Variants in SLC15A5 observed in about 807,000 individuals in gnomAD.
SLC15A5 encodes Peptide/histidine transporter ENSP00000340402.
Under a neutral mutation model 56.1 loss-of-function variants are expected in SLC15A5, and 58 were observed. The observed-to-expected ratio is 1.03, with a 90% CI of 0.84 to 1.29. The LOEUF (loss-of-function observed/expected upper bound fraction) is 1.29, where lower values mean the gene tolerates loss of function less well. Ranked by LOEUF, SLC15A5 falls within the 50% of genes most tolerant of loss-of-function variation. SLC15A5 has a pLI of 0.00. For synonymous variants in SLC15A5, 264 were observed against 250.5 expected (o/e 1.05, Z -0.51); for missense variants, 681 against 672.1 (o/e 1.01, Z -0.15).
At chr12:16,265,788 T>C (rs1275813286) in intron 2 of SLC15A5, among the ~76,000 whole-genome samples, 1 of 152,214 alleles carries the variant, frequency 6.6e-6, no homozygotes, top group Non-Finnish European at 1.5e-5. Context: ...CAGCTTCTTC[T>C]CTGAACTTCT....
chr12:16,210,369 T>A (rs1195713268), intron 7 of SLC15A5, among the ~76,000 whole-genome samples: 1 of 152,052 alleles, frequency 6.6e-6, no homozygotes, highest in Non-Finnish European at 1.5e-5. Flanking sequence ...TCTCCCAATC[T>A]CCACCTGGAA....
chr12:16,248,016 A>C (rs1322626939), intron 3 of SLC15A5, among the ~76,000 whole-genome samples: 1 of 152,058 alleles, frequency 6.6e-6, no homozygotes, highest in African/African-American at 2.4e-5. Flanking sequence ...TTTTTGAACA[A>C]TCAGTAAAAT....
Position 16,257,764 on chromosome 12 carries a change from T to C in SLC15A5, c.691A>G (p.Met231Val). The stretch of plus-strand genomic sequence containing the variant: ...TGAAGAGTTATCACAGCCATAAGCA[T>C]AGACATAAAAGGAATAAGTAAAACA... ...ALVLLIPFMS[M>V]LMAVITLHMI... The change falls in exon 3 of 9, where the codon ATG becomes GTG. Residue 231 changes from methionine to valine, a missense_variant. By Grantham distance (21) the Met-to-Val change is conservative. Transcript: ENST00000344941. The C allele has an allele frequency of 6.5e-7, 1 of 1,531,248 alleles. No homozygotes were observed. The highest frequency in any genetic ancestry group is 8.7e-7 in the Non-Finnish European group (1 of 1,144,838). The allele number at this position is 1,531,248 out of a possible 1,614,324, so 94.9% of individuals were successfully genotyped here.
intron 6 of SLC15A5, 102 bp from the exon 7 acceptor site, chr12:16,217,126 G>T: frequency 7.9e-7 from 1 of 1,271,440 alleles, no homozygotes; most frequent in Non-Finnish European, 1.0e-6. Flanking sequence ...AAAATTTACT[G>T]ATACAATAAA....
intron 2 of SLC15A5, among the ~76,000 whole-genome samples, chr12:16,259,897 CG>C (rs148955043): frequency 2.1e-5 from 3 of 141,162 alleles, no homozygotes; most frequent in African/African-American, 7.8e-5. Context: ...TGACACCACC[CG>C]GGCGGGGGGT....
intron 8 of SLC15A5, among the ~76,000 whole-genome samples, chr12:16,190,127 G>A (rs4116818): frequency 0.47 from 72,067 of 152,038 alleles, 17,586 homozygotes; most frequent in East Asian, 0.71. Context: ...ATTTCATGGC[G>A]GTCAGGATGC....
At chr12:16,245,383 T>C (rs1591654137) in intron 3 of SLC15A5, among the ~76,000 whole-genome samples, 3 of 152,278 alleles carry the variant, frequency 2.0e-5, no homozygotes, top group South Asian at 2.1e-4. Flanking sequence ...TCAGATTAGA[T>C]TAGTTGGCTT....
chr12:16,270,550 A>G (rs777013987), intron 2 of SLC15A5, among the ~76,000 whole-genome samples: 17 of 152,174 alleles, frequency 1.1e-4, no homozygotes, highest in Non-Finnish European at 1.9e-4. Flanking sequence ...TCCATGATTT[A>G]GCAATAATCA....
intron 4 of SLC15A5, 128 bp from the exon 5 acceptor site, chr12:16,239,995 C>G: frequency 1.2e-6 from 1 of 840,202 alleles, no homozygotes; most frequent in Admixed American, 2.9e-5. Context: ...CCTAGTTTTT[C>G]AAGTTCCCAG....
rs529714583 is a variant in SLC15A5, at chr12:16,250,047, C to T, written c.755-5247G>A. 2.4e-4 allele frequency among the ~76,000 whole-genome samples: 36 copies of T among 152,116 alleles called. No individual in the cohort carries two copies. The South Asian group carries it at 7.3e-3, about 31-fold the overall frequency. On this transcript the variant is annotated intron_variant, in intron 3 of 8. Transcript: ENST00000344941. ...CAGAGGCTTCTGTGTATAATATTTTCAATGCTTCACTGCCTCAGTATGTGG... is the reference window on the plus strand; with the variant it reads ...CAGAGGCTTCTGTGTATAATATTTTTAATGCTTCACTGCCTCAGTATGTGG...
At chr12:16,226,641 GA>G (rs1281655311) in intron 5 of SLC15A5, among the ~76,000 whole-genome samples, 1 of 152,048 alleles carries the variant, frequency 6.6e-6, no homozygotes, top group Non-Finnish European at 1.5e-5. Flanking sequence ...CTTTCGTTTA[GA>G]AAAAAATTTC....
At chr12:16,256,913 A>AATAGATATCTG (rs1205795650) in intron 3 of SLC15A5, among the ~76,000 whole-genome samples, 1 of 148,480 alleles carries the variant, frequency 6.7e-6, no homozygotes, top group Non-Finnish European at 1.5e-5. Context: ...ATGCATGGGG[A>AATAGATATCTG]ATAGATAGAT....
chr12:16,242,087 C>T (rs186274472), intron 4 of SLC15A5, among the ~76,000 whole-genome samples: 3 of 152,316 alleles, frequency 2.0e-5, no homozygotes, highest in African/African-American at 7.2e-5. Context: ...GCAACCTCAT[C>T]AGCCGTAATA....
chr12:16,265,345 A>G (rs1189799785), intron 2 of SLC15A5, among the ~76,000 whole-genome samples: 1 of 152,212 alleles, frequency 6.6e-6, no homozygotes, highest in Non-Finnish European at 1.5e-5. Flanking sequence ...ACTGTCCCAG[A>G]AACAGACCTA....
chr12:16,192,159 A>C (rs1256995086), intron 8 of SLC15A5, among the ~76,000 whole-genome samples: 1 of 152,078 alleles, frequency 6.6e-6, no homozygotes, highest in Non-Finnish European at 1.5e-5. Flanking sequence ...TATGCCAAGA[A>C]GGTGGTGGGG....
Position 16,273,035 on chromosome 12 carries a change from C to T in SLC15A5, c.362-252G>A, listed in dbSNP as rs74065843. ...TCCTCAAGCTTGAACTATGTTTTCT[C>T]TCAGAATGTATGAGCAAATCATGTT... On this transcript the variant is annotated intron_variant, in intron 1 of 8. Coordinates refer to ENST00000344941, the MANE Select transcript of SLC15A5 (RefSeq NM_001170798.1). Among the ~76,000 whole-genome samples the T allele has an allele frequency of 2.2e-3, 329 of 151,280 alleles. 1 individual carries two copies. The highest frequency in any genetic ancestry group is 7.6e-3 in the African/African-American group (312 of 41,230).
rs1469837805 is a variant in SLC15A5 at position 16,237,241 on chromosome 12, A to G, written c.1162+2440T>C. The stretch of plus-strand genomic sequence containing the variant: ...TAAAACTTGTTAATCTTTCATAATC[A>G]TAACCAGAATATGGAAAACTTAAGC... On this transcript the variant is annotated intron_variant, in intron 5 of 8. Coordinates refer to ENST00000344941, the MANE Select transcript of SLC15A5 (RefSeq NM_001170798.1). The surrounding 1 kb of genome is among the most constrained non-coding windows in gnomAD (Gnocchi z 4.1). Among the ~76,000 whole-genome samples the G allele has an allele frequency of 6.6e-6, 1 of 152,224 alleles. No homozygotes were observed. Among genetic ancestry groups the G allele is most frequent in the Non-Finnish European group, 1.5e-5 (1 of 68,024 alleles).
intron 2 of SLC15A5, among the ~76,000 whole-genome samples, chr12:16,259,615 T>C (rs560241377): frequency 6.6e-6 from 1 of 152,254 alleles, no homozygotes; most frequent in African/African-American, 2.4e-5. Flanking sequence ...AGGAACCAGT[T>C]TGGTGGTCAT....
chr12:16,218,889 A>G (rs568282664), intron 6 of SLC15A5, among the ~76,000 whole-genome samples: 2 of 152,276 alleles, frequency 1.3e-5, no homozygotes, highest in East Asian at 3.9e-4. Flanking sequence ...TGCTGCAGCA[A>G]AACTCTGCAT....
Sources: gnomAD v4.1 joint callset for allele counts (sites outside exome capture counted in the v4.1 genomes callset) on GRCh38, gnomAD v4.1.1 for gene constraint, Gnocchi (gnomAD v3.1) non-coding constraint, MANE v1.5 for transcripts, NCBI Gene and HGNC (gene_info 2026-07-23, HGNC 2026-07-21) for gene names.